The following RLIM variants were observed in gnomAD, a reference collection of about 807,000 sequenced individuals.
RLIM encodes the protein E3 ubiquitin-protein ligase RLIM.
A neutral mutation model predicts 34.0 loss-of-function variants in RLIM; 2 were observed. The observed-to-expected ratio is 0.06, with a 90% CI of 0.02 to 0.19. The LOEUF is 0.19. RLIM is among the 10% of genes least tolerant of loss of function. The pLI is 1.00. For synonymous variants in RLIM, 169 were observed against 164.0 expected (o/e 1.03, Z -0.23); for missense variants, 286 against 479.7 (o/e 0.60, Z 3.77).
chrX:74,592,659 C>T lies in RLIM; in HGVS notation c.656G>A (p.Arg219Gln), dbSNP rs866934642. 4.1e-6 allele frequency: 5 copies of T among 1,211,402 alleles called. No individual in the cohort carries two copies. Among genetic ancestry groups the T allele is most frequent in the African/African-American group, 3.5e-5 (2 of 57,768 alleles). ...TCTTTCAGCTCTTGCTCTGGTTCTC[C>T]GATGGTCTGGGCTCCTGCTTCTTGC... ...RRARSRSPDH[R>Q]RTRARAERSR... The change falls in exon 4 of 4, where the codon CGG becomes CAG. Residue 219 changes from arginine to glutamine, a missense_variant. Physicochemically the swap from Arg to Gln is conservative, Grantham distance 43 (BLOSUM62 1). Around this residue, in one of 6 missense-constraint regions of RLIM, gnomAD observed 121 missense variants for 182.4 expected, o/e 0.66. Transcript: ENST00000332687.
intron 1 of RLIM, among the ~76,000 whole-genome samples, chrX:74,606,319 C>T (rs2079681963): frequency 9.0e-6 from 1 of 111,670 alleles, no homozygotes; most frequent in Admixed American, 9.6e-5. Flanking sequence ...CCAATCGTTT[C>T]AAAGAGCTAC....
chrX:74,604,378 C>T (rs560549867), intron 1 of RLIM, among the ~76,000 whole-genome samples: 27 of 111,347 alleles, frequency 2.4e-4, no homozygotes, highest in Middle Eastern at 4.6e-3. Context: ...TTTCAAGTGT[C>T]TAACAGTCAC....
chrX:74,607,761 CAAA>C (rs1229536840), intron 1 of RLIM, among the ~76,000 whole-genome samples: 1 of 111,626 alleles, frequency 9.0e-6, no homozygotes, highest in Non-Finnish European at 1.9e-5. Context: ...ACAAAAAAAA[CAAA>C]AAAGAACTTC....
chrX:74,610,993 GA>G (rs918117619), intron 1 of RLIM, among the ~76,000 whole-genome samples: 28 of 109,556 alleles, frequency 2.6e-4, no homozygotes, highest in African/African-American at 6.3e-4. Context: ...TTGAGGCTGA[GA>G]AAAAAAAATG....
Position 74,590,010 on chromosome X carries a change from A to C in RLIM, c.*1430T>G, listed in dbSNP as rs1370854661. ...TTTCAACAAAGGATAAAAATCCCTT[A>C]ATCTTCAACTGGTCTTTAAATTTGA... On this transcript the variant is annotated 3_prime_UTR_variant, in exon 4 of 4. Coordinates refer to ENST00000332687, the MANE Select transcript of RLIM (RefSeq NM_016120.4). 2 of 112,127 alleles carry C rather than the reference A, an allele frequency of 1.8e-5. No individual in the cohort carries two copies. The highest frequency in any genetic ancestry group is 9.5e-5 in the Admixed American group (1 of 10,525). 9.2% of individuals were successfully genotyped at this position (112,127 alleles called of 1,213,427 possible). A position where few individuals can be genotyped will look rare whatever the true frequency, so the allele number is the denominator to read the frequency against.
intron 1 of RLIM, among the ~76,000 whole-genome samples, chrX:74,605,060 C>T (rs2079677138): frequency 9.0e-6 from 1 of 111,174 alleles, no homozygotes. Flanking sequence ...ACTGGCAAGG[C>T]ACTCCCTCCC....
chrX:74,591,912 C>A lies in RLIM; in HGVS notation c.1403G>T (p.Ser468Ile), dbSNP rs2079616837. 1 of 1,184,152 alleles carries A rather than the reference C, an allele frequency of 8.4e-7. No individual in the cohort carries two copies. The highest frequency in any genetic ancestry group is 1.1e-6 in the Non-Finnish European group (1 of 883,262). The change falls in exon 4 of 4, where the codon AGT becomes ATT. Residue 468 changes from serine (S) to isoleucine (I), a missense_variant. Ser to Ile is a moderately radical substitution (Grantham distance 142). Transcript: ENST00000332687. Reference protein sequence around the residue: ...SSSSSSSSSSSSSSSSSSSPS... With the variant: ...SSSSSSSSSSISSSSSSSSPS... ...ACTGGAACTGGAACTTGAACTGGAA[C>A]TGGAACTCGAACTGGAACTGGAACT...
chrX:74,587,689 C>T lies in RLIM; in HGVS notation c.*3751G>A, dbSNP rs1176078636. ...TTTGGGAACTGACCGAAAGTCATGG[C>T]TGATGCTTCACCCATTTCATGTCAT... On this transcript the variant is annotated 3_prime_UTR_variant, in exon 4 of 4. Transcript: ENST00000332687. 9.0e-6 allele frequency: 1 copy of T among 111,731 alleles called. No individual in the cohort carries two copies. The highest frequency in any genetic ancestry group is 3.3e-5 in the African/African-American group (1 of 30,717). 9.2% of individuals were successfully genotyped at this position (111,731 alleles called of 1,213,427 possible). A position where few individuals can be genotyped will look rare whatever the true frequency, so the allele number is the denominator to read the frequency against.
intron 1 of RLIM, among the ~76,000 whole-genome samples, chrX:74,597,730 C>T (rs1325263632): frequency 8.9e-6 from 1 of 112,083 alleles, no homozygotes; most frequent in Non-Finnish European, 1.9e-5. Flanking sequence ...TATCATATTA[C>T]TGAACCAGTA....
At chrX:74,599,856 C>T (rs896584096) in intron 1 of RLIM, among the ~76,000 whole-genome samples, 2 of 111,132 alleles carry the variant, frequency 1.8e-5, no homozygotes, top group African/African-American at 6.6e-5. Context: ...GACTTAATCC[C>T]ACATACACCC....
At position 74,585,876 on chromosome X, in the gene RLIM, G is replaced by C. The variant is rs1931338365; in HGVS notation, c.*5564C>G. 1 of 111,779 alleles carries C rather than the reference G, an allele frequency of 8.9e-6. No homozygotes were observed. Among genetic ancestry groups the C allele is most frequent in the South Asian group, 3.7e-4 (1 of 2,712 alleles). 9.2% of individuals were successfully genotyped at this position (111,779 alleles called of 1,213,427 possible). ...TCTCTCCCGAAGGTCAGGAAGCCCT[G>C]GTATAACAATCACTTTAGTCTTTAC... is the stretch of plus-strand genomic sequence containing the variant. On this transcript the variant is annotated 3_prime_UTR_variant, in exon 4 of 4. Coordinates refer to ENST00000332687, the MANE Select transcript of RLIM (RefSeq NM_016120.4).
intron 1 of RLIM, among the ~76,000 whole-genome samples, chrX:74,603,444 A>T (rs982738964): frequency 9.0e-6 from 1 of 111,581 alleles, no homozygotes; most frequent in Non-Finnish European, 1.9e-5. Flanking sequence ...TGCATATAGC[A>T]CTTGTCTATG....
chrX:74,595,426 A>C (rs1267169861), intron 2 of RLIM, among the ~76,000 whole-genome samples: 1 of 111,879 alleles, frequency 8.9e-6, no homozygotes, highest in African/African-American at 3.3e-5. Flanking sequence ...GGAGGATTAC[A>C]ACTGGGACAT....
intron 1 of RLIM, among the ~76,000 whole-genome samples, chrX:74,606,874 A>T (rs1394853807): frequency 1.8e-5 from 2 of 111,821 alleles, no homozygotes; most frequent in Non-Finnish European, 3.8e-5. Context: ...GGTGGCCGAC[A>T]TCTGTAATCC....
rs373492816 is a variant in RLIM, at chrX:74,591,406, A to G, written c.*34T>C. ...AAGTGATTCCTGTTTGCCCATCACT[A>G]TATCAGCTACATAGCTGAGAGTTCA... On this transcript the variant is annotated 3_prime_UTR_variant, in exon 4 of 4. Coordinates refer to ENST00000332687, the MANE Select transcript of RLIM (RefSeq NM_016120.4). The G allele has an allele frequency of 7.9e-5, 89 of 1,122,812 alleles. No individual in the cohort carries two copies. The highest frequency in any genetic ancestry group is 2.5e-4 in the South Asian group (13 of 52,726). The allele number at this position is 1,122,812 out of a possible 1,213,427, so 92.5% of individuals were successfully genotyped here.
rs1295298140 is a variant in RLIM at position 74,583,652 on chromosome X, T to C, written c.*7788A>G. On this transcript the variant is annotated 3_prime_UTR_variant, in exon 4 of 4. Coordinates refer to ENST00000332687, the MANE Select transcript of RLIM (RefSeq NM_016120.4). ...AGGTACACTTAAACTGCTAAAATGA[T>C]AGTTCATGTTATTCATAGTGCTAAG... The C allele has an allele frequency of 4.9e-6, 2 of 409,870 alleles. No individual in the cohort carries two copies. Among genetic ancestry groups the C allele is most frequent in the Admixed American group, 4.1e-5 (1 of 24,141 alleles). The allele number at this position is 409,870 out of a possible 1,213,427, so 33.8% of individuals were successfully genotyped here.
intron 1 of RLIM, among the ~76,000 whole-genome samples, chrX:74,609,501 A>C (rs867886849): frequency 1.0e-3 from 108 of 103,907 alleles, no homozygotes; most frequent in African/African-American, 4.0e-3. Flanking sequence ...AAAAAAAAAA[A>C]AAAAAAAAAA....
intron 2 of RLIM, among the ~76,000 whole-genome samples, chrX:74,595,509 A>T (rs753471111): frequency 8.9e-6 from 1 of 111,813 alleles, no homozygotes; most frequent in African/African-American, 3.2e-5. Context: ...CCACACTCGG[A>T]TTCTTATCTA....
intron 2 of RLIM, 88 bp downstream of exon 2, chrX:74,595,721 A>G: frequency 1.5e-6 from 1 of 665,436 alleles, no homozygotes; most frequent in Non-Finnish European, 2.2e-6. Context: ...CATAAGGGCT[A>G]AAGAAATGGA....
Sources: allele counts gnomAD v4.1 joint callset (sites outside exome capture counted in the v4.1 genomes callset), GRCh38; gene constraint gnomAD v4.1.1; regional missense constraint gnomAD v4.1.1; transcripts MANE v1.5; gene names NCBI Gene and HGNC (gene_info 2026-07-23, HGNC 2026-07-21).